Variants in MYO6 observed in about 807,000 individuals in gnomAD.
The protein encoded by MYO6 is unconventional myosin-VI.
A neutral mutation model predicts 178.7 loss-of-function variants in MYO6; 74 were observed. The ratio of observed to expected loss-of-function variants is 0.41; its 90% CI spans 0.34 to 0.50. MYO6 has a LOEUF of 0.50. Ranked by LOEUF, MYO6 falls within the 20% of genes least tolerant of loss-of-function variation. The pLI, the probability that MYO6 is intolerant of heterozygous loss-of-function variation, is 0.09. For missense variants in MYO6, 1,330 were observed against 1,547.4 expected, an observed-to-expected ratio of 0.86 and a Z score of 2.36; for synonymous variants, 477 against 504.6, an observed-to-expected ratio of 0.95 and a Z score of 0.73.
At chr6:75,825,470 GT>G (rs1772371032) in intron 3 of MYO6, among the ~76,000 whole-genome samples, 1 of 152,024 alleles carries the variant, frequency 6.6e-6, no homozygotes, top group South Asian at 2.1e-4. Context: ...GTGGGCGCCG[GT>G]AATCCCAACT....
At chr6:75,859,786 A>G (rs950807822) in intron 14 of MYO6, among the ~76,000 whole-genome samples, 2 of 151,348 alleles carry the variant, frequency 1.3e-5, no homozygotes, top group Non-Finnish European at 2.9e-5. Flanking sequence ...CAGCCTCCTG[A>G]GTAGCTGGGA....
At chr6:75,816,865 A>C (rs1385456013) in intron 1 of MYO6, among the ~76,000 whole-genome samples, 2 of 152,204 alleles carry the variant, frequency 1.3e-5, no homozygotes, top group Non-Finnish European at 2.9e-5. Flanking sequence ...GTGCTGGTAT[A>C]AATTACACTC....
chr6:75,809,988 G>A (rs1770529301), intron 1 of MYO6, among the ~76,000 whole-genome samples: 1 of 151,106 alleles, frequency 6.6e-6, no homozygotes, highest in Non-Finnish European at 1.5e-5. Context: ...AGAGGCTGAG[G>A]CAGGAGAATT....
intron 1 of MYO6, among the ~76,000 whole-genome samples, chr6:75,793,421 T>C (rs924237960): frequency 6.6e-6 from 1 of 152,002 alleles, no homozygotes; most frequent in East Asian, 1.9e-4. Context: ...CTGGCCAACA[T>C]GGTGAAACCT....
intron 30 of MYO6, among the ~76,000 whole-genome samples, chr6:75,905,240 G>A (rs1453182138): frequency 3.3e-5 from 5 of 152,240 alleles, no homozygotes; most frequent in Non-Finnish European, 5.9e-5. Flanking sequence ...TTCTTGAGCT[G>A]TGATGCTTCC....
At chr6:75,759,140 G>T (rs536157095) in intron 1 of MYO6, among the ~76,000 whole-genome samples, 1 of 152,222 alleles carries the variant, frequency 6.6e-6, no homozygotes, top group East Asian at 1.9e-4. Context: ...AAAGTGCTGG[G>T]ATTACAGGAG....
intron 7 of MYO6, among the ~76,000 whole-genome samples, chr6:75,836,458 A>T (rs964988144): frequency 6.6e-6 from 1 of 152,122 alleles, no homozygotes; most frequent in African/African-American, 2.4e-5. Flanking sequence ...GACTACCATT[A>T]TGTTGAATCT....
At chr6:75,753,455 G>GTATATATATATATATATA (rs58108910) in intron 1 of MYO6, among the ~76,000 whole-genome samples, 9 of 140,054 alleles carry the variant, frequency 6.4e-5, no homozygotes, top group African/African-American at 2.4e-4. Flanking sequence ...GTGTGTGTGT[G>GTATATATATATATATATA]TATATATATA....
At chr6:75,909,302 C>A (rs1366449796) in intron 32 of MYO6, among the ~76,000 whole-genome samples, 1 of 152,092 alleles carries the variant, frequency 6.6e-6, no homozygotes, top group Admixed American at 6.5e-5. Context: ...CTGTTGCTCC[C>A]AGAATAGGGT....
intron 2 of MYO6, 48 bp downstream of exon 2, chr6:75,817,712 G>T: frequency 1.9e-6 from 3 of 1,543,072 alleles, no homozygotes; most frequent in Admixed American, 1.7e-5. Flanking sequence ...TCAAAAATAG[G>T]TGTTTTTTTT....
At chr6:75,829,715 C>G (rs1055282054) in intron 4 of MYO6, among the ~76,000 whole-genome samples, 1 of 152,030 alleles carries the variant, frequency 6.6e-6, no homozygotes, top group Non-Finnish European at 1.5e-5. Context: ...TATTTAGAGG[C>G]AAAATTTACT....
intron 16 of MYO6, among the ~76,000 whole-genome samples, chr6:75,864,061 A>G (rs1346803535): frequency 6.6e-6 from 1 of 152,148 alleles, no homozygotes; most frequent in East Asian, 1.9e-4. Flanking sequence ...TCTCATAGAC[A>G]ACATCATTAA....
rs753396601 is a variant in MYO6 at position 75,890,202 on chromosome 6, A to G, written c.2804A>G (p.Lys935Arg). The G allele has an allele frequency of 2.5e-6, 4 of 1,612,148 alleles. No homozygotes were observed. In the African/African-American group the frequency reaches 5.3e-5, roughly 22 times the overall value. ...AGGCGTATTCAAGAAGAAATGGAAA[A>G]GGAAAGAAAAAGACGTGAAGAAGAC... The part of the protein sequence containing the change: ...RLRRIQEEME[K>R]ERKRREEDEK... The change falls in exon 26 of 35, where the codon AAG becomes AGG. Residue 935 changes from lysine (K) to arginine (R), a missense_variant. Around this residue, in one of 3 missense-constraint regions of MYO6, gnomAD observed 601 missense variants for 626.1 expected, o/e 0.96. Transcript: ENST00000369977.
At chr6:75,911,776 AAGT>A in intron 33 of MYO6, 78 bp downstream of exon 33, 2 of 1,391,918 alleles carry the variant, frequency 1.4e-6, no homozygotes, top group Non-Finnish European at 2.0e-6. Context: ...CTTCTATTAA[AAGT>A]TGTTTTGCTA....
At chr6:75,856,021 GCTAT>G (rs1002990039) in intron 12 of MYO6, among the ~76,000 whole-genome samples, 5 of 152,128 alleles carry the variant, frequency 3.3e-5, no homozygotes, top group African/African-American at 1.2e-4. Flanking sequence ...CAGAAAATTG[GCTAT>G]CTCTTATTCT....
chr6:75,903,080 G>C (rs1046713261), intron 30 of MYO6, among the ~76,000 whole-genome samples: 14 of 152,058 alleles, frequency 9.2e-5, no homozygotes, highest in Non-Finnish European at 1.9e-4. Context: ...ATTGCACTGT[G>C]GTCTGAGAGA....
rs754064716 is a variant in MYO6 at position 75,866,628 on chromosome 6, A to T, written c.1770+7A>T. ...GGCAGTGTGCTATGAAACAGTGAGT[A>T]TAACTTTTACAAGGAGAAAACCATT... On this transcript the variant is annotated splice_region_variant and intron_variant, in intron 17 of 34. Coordinates refer to ENST00000369977, the MANE Select transcript of MYO6 (RefSeq NM_004999.4). 2.5e-6 allele frequency: 4 copies of T among 1,609,198 alleles called. No individual in the cohort carries two copies. Among genetic ancestry groups the T allele is most frequent in the Non-Finnish European group, 3.4e-6 (4 of 1,175,428 alleles).
intron 2 of MYO6, among the ~76,000 whole-genome samples, chr6:75,821,628 CACACACACACAA>C (rs1450945787): frequency 1.3e-5 from 2 of 151,774 alleles, no homozygotes; most frequent in Non-Finnish European, 2.9e-5. Flanking sequence ...TAGCTTTACA[CACACACACACAA>C]ACACACACAC....
chr6:75,876,942 G>A (rs1480451454), intron 20 of MYO6, among the ~76,000 whole-genome samples: 1 of 151,924 alleles, frequency 6.6e-6, no homozygotes, highest in African/African-American at 2.4e-5. Context: ...ATTTTAAAGA[G>A]AATTAATAAA....
Sources: allele counts gnomAD v4.1 joint callset (sites outside exome capture counted in the v4.1 genomes callset), GRCh38; gene constraint gnomAD v4.1.1; regional missense constraint gnomAD v4.1.1; transcripts MANE v1.5; gene names NCBI Gene and HGNC (gene_info 2026-07-23, HGNC 2026-07-21).